Variants in MRPS35 observed in about 807,000 individuals in gnomAD.
MRPS35 encodes small ribosomal subunit protein mS35.
MRPS35 carries 29 observed loss-of-function variants against 32.7 expected under a neutral mutation model. The ratio of observed to expected loss-of-function variants is 0.89; its 90% CI spans 0.66 to 1.21. MRPS35 has a LOEUF of 1.21. Among genes scored for constraint, MRPS35 ranks in the 50% most tolerant of loss-of-function variants. The probability of loss-of-function intolerance (pLI) is 0.00; values close to 1 mark genes in which losing one functional copy is unlikely to be tolerated. For missense variants in MRPS35, 373 were observed against 383.8 expected (o/e 0.97, Z 0.23); for synonymous variants, 148 against 139.3 (o/e 1.06, Z -0.44).
At chr12:27,738,719 G>A (rs2061951977) in intron 7 of MRPS35, among the ~76,000 whole-genome samples, 1 of 152,084 alleles carries the variant, frequency 6.6e-6, no homozygotes, top group Admixed American at 6.6e-5. Flanking sequence ...GGAGAAGGGG[G>A]TCATGTTCTT....
Position 27,745,633 on chromosome 12 carries a change from T to C in MRPS35, c.702+8025T>C, listed in dbSNP as rs2061979464. 1.3e-5 allele frequency among the ~76,000 whole-genome samples: 2 copies of C among 151,942 alleles called. 1 individual carries two copies. The highest frequency in any genetic ancestry group is 4.2e-4 in the South Asian group (2 of 4,812). On this transcript the variant is annotated intron_variant, in intron 7 of 7. Transcript: ENST00000081029. ...GTGCACAACATGCAGGTTAGTTACATATTTATACATGTGCCATGTTGGTGT... is the reference window on the plus strand; with the variant it reads ...GTGCACAACATGCAGGTTAGTTACACATTTATACATGTGCCATGTTGGTGT...
rs143571398 is a variant in MRPS35, at chr12:27,728,289, T to C, written c.522+4103T>C. Among the ~76,000 whole-genome samples the C allele has an allele frequency of 3.1e-3, 467 of 152,252 alleles. 6 individuals carry two copies. The highest frequency in any genetic ancestry group is 0.011 in the African/African-American group (449 of 41,502). ...CAAATTCTCTTTTTTAAATTTTTTA[T>C]TATGAAAATTTTCAAATGTATGGAC... On this transcript the variant is annotated intron_variant, in intron 5 of 7. Coordinates refer to ENST00000081029, the MANE Select transcript of MRPS35 (RefSeq NM_021821.4).
chr12:27,720,579 T>A (rs1311368221), intron 4 of MRPS35, among the ~76,000 whole-genome samples: 1 of 152,008 alleles, frequency 6.6e-6, no homozygotes, highest in African/African-American at 2.4e-5. Flanking sequence ...CCTTATGTGC[T>A]TTCTTTACCA....
chr12:27,751,740 G>A (rs760678275), intron 7 of MRPS35, among the ~76,000 whole-genome samples: 28 of 152,190 alleles, frequency 1.8e-4, no homozygotes, highest in Non-Finnish European at 3.1e-4. Context: ...GCCAGGCTGC[G>A]CCCCAAGAGC....
chr12:27,755,181 A>G lies in MRPS35; in HGVS notation c.703A>G (p.Asn235Asp), dbSNP rs1288125292. The G allele has an allele frequency of 6.6e-7, 1 of 1,511,592 alleles. No individual in the cohort carries two copies. Among genetic ancestry groups the G allele is most frequent in the East Asian group, 2.4e-5 (1 of 41,266 alleles). The allele number at this position is 1,511,592 out of a possible 1,614,324, so 93.6% of individuals were successfully genotyped here. A position where few individuals can be genotyped will look rare whatever the true frequency, so the allele number is the denominator to read the frequency against. The change falls in exon 8 of 8, where the codon AAT (asparagine) becomes GAT (aspartate). Residue 235 changes from asparagine (N) to aspartate (D), a missense_variant and splice_region_variant. Transcript: ENST00000081029. ...LLTVLYHESW[N>D]TEEWEKSKTE... ...TTTTTTTTGTTTTGTTTTGTTTCAG[A>G]ATACTGAAGAATGGGAAAAAAGTAA...
Position 27,755,456 on chromosome 12 carries a change from G to A in MRPS35, c.*6G>A, listed in dbSNP as rs1264977939. 5.9e-6 allele frequency: 9 copies of A among 1,529,124 alleles called. No individual in the cohort carries two copies. The Admixed American group carries it at 2.1e-4, about 36-fold the overall frequency. The allele number at this position is 1,529,124 out of a possible 1,614,324, so 94.7% of individuals were successfully genotyped here. A position where few individuals can be genotyped will look rare whatever the true frequency, so the allele number is the denominator to read the frequency against. On this transcript the variant is annotated 3_prime_UTR_variant, in exon 8 of 8. Coordinates refer to ENST00000081029, the MANE Select transcript of MRPS35 (RefSeq NM_021821.4). ...GACTATTAAATGTGACATGAATTATGGAGTAGAAAAATCTGCTTGATTTAT... is the reference window on the plus strand; with the variant it reads ...GACTATTAAATGTGACATGAATTATAGAGTAGAAAAATCTGCTTGATTTAT...
At chr12:27,720,084 T>C (rs2061867249) in intron 4 of MRPS35, among the ~76,000 whole-genome samples, 1 of 152,094 alleles carries the variant, frequency 6.6e-6, no homozygotes. Context: ...GGACTTACTG[T>C]TGAGTTTTAG....
chr12:27,739,704 G>A (rs987454112), intron 7 of MRPS35, among the ~76,000 whole-genome samples: 1 of 152,202 alleles, frequency 6.6e-6, no homozygotes, highest in African/African-American at 2.4e-5. Flanking sequence ...ATTAGCTACA[G>A]CTTTATGGCT....
At chr12:27,749,442 A>C (rs888928741) in intron 7 of MRPS35, among the ~76,000 whole-genome samples, 1 of 152,224 alleles carries the variant, frequency 6.6e-6, no homozygotes, top group Non-Finnish European at 1.5e-5. Flanking sequence ...GTCAGTGACA[A>C]AGAAATAAAG....
chr12:27,723,729 G>C (rs572997287), intron 4 of MRPS35, among the ~76,000 whole-genome samples: 1 of 152,290 alleles, frequency 6.6e-6, no homozygotes, highest in African/African-American at 2.4e-5. Context: ...TGGTACAGAG[G>C]AAGTAAACTG....
In MRPS35 at chr12:27,723,952, T is replaced by C. The variant is rs923293150; in HGVS notation, c.383-95T>C. On this transcript the variant is annotated intron_variant, in intron 4 of 7. Transcript: ENST00000081029. ...GAATCTGTTCTTTCATGTAACTTGGTGATGCTCTCAGTAATTTGGTATTGT... is the reference window on the plus strand; with the variant it reads ...GAATCTGTTCTTTCATGTAACTTGGCGATGCTCTCAGTAATTTGGTATTGT... The C allele has an allele frequency of 1.2e-5, 15 of 1,203,312 alleles. No homozygotes were observed. In the African/African-American group the frequency reaches 1.7e-4, roughly 14 times the overall value. 74.5% of individuals were successfully genotyped at this position (1,203,312 alleles called of 1,614,324 possible).
rs370001683 is a variant in MRPS35 at position 27,719,815 on chromosome 12, A to G, written c.329A>G (p.Asn110Ser). ...EGNLELLKIP[N>S]FLHLTPVAIK... is the part of the protein sequence containing the mutation. Reference sequence around the variant, plus strand: ...TAAATTTCTCTATTTAAGATTCCCAATTTTCTGCATTTGACTCCTGTAGCA... The same window carrying G: ...TAAATTTCTCTATTTAAGATTCCCAGTTTTCTGCATTTGACTCCTGTAGCA... Residue 110 changes from asparagine to serine, a missense_variant, in exon 4 of 8, where the codon AAT becomes AGT. Coordinates refer to ENST00000081029, the MANE Select transcript of MRPS35 (RefSeq NM_021821.4). The G allele has an allele frequency of 8.4e-5, 135 of 1,601,646 alleles. No individual in the cohort carries two copies. Among genetic ancestry groups the G allele is most frequent in the East Asian group, 4.2e-4 (19 of 44,736 alleles).
chr12:27,714,851 T>C, intron 2 of MRPS35, 31 bp downstream of exon 2: 1 of 1,588,748 alleles, frequency 6.3e-7, no homozygotes, highest in South Asian at 1.1e-5. Flanking sequence ...ACTATCTTAA[T>C]GGTTTCTGGA....
chr12:27,712,494 T>C (rs1416543145), intron 1 of MRPS35, among the ~76,000 whole-genome samples: 2 of 152,180 alleles, frequency 1.3e-5, no homozygotes, highest in Non-Finnish European at 2.9e-5. Context: ...GCTGTTGCAG[T>C]AATCCAAATG....
intron 7 of MRPS35, among the ~76,000 whole-genome samples, chr12:27,753,172 G>A (rs1368158595): frequency 6.6e-6 from 1 of 152,074 alleles, no homozygotes; most frequent in African/African-American, 2.4e-5. Flanking sequence ...GGGCAAACAT[G>A]CAGGAATTGT....
intron 4 of MRPS35, among the ~76,000 whole-genome samples, chr12:27,720,554 A>C (rs2140757275): frequency 6.6e-6 from 1 of 152,148 alleles, no homozygotes; most frequent in South Asian, 2.1e-4. Context: ...AGAGCTTATG[A>C]TGAAAAAGCA....
intron 1 of MRPS35, 142 bp from the exon 2 acceptor site, chr12:27,714,634 CAAAA>C (rs531429538): frequency 4.1e-3 from 1,446 of 354,446 alleles, no homozygotes; most frequent in South Asian, 5.8e-3. Flanking sequence ...CTGAGCTTAC[CAAAA>C]AAAAAAAAAA....
At chr12:27,721,321 A>G (rs1036515514) in intron 4 of MRPS35, among the ~76,000 whole-genome samples, 3 of 152,148 alleles carry the variant, frequency 2.0e-5, no homozygotes, top group East Asian at 1.9e-4. Flanking sequence ...GTGTTTCTCT[A>G]TGCATTTGTG....
chr12:27,739,150 G>A lies in MRPS35; in HGVS notation c.702+1542G>A, dbSNP rs190806866. On this transcript the variant is annotated intron_variant, in intron 7 of 7. Coordinates refer to ENST00000081029, the MANE Select transcript of MRPS35 (RefSeq NM_021821.4). ...TAACCTCAGGTGATCCACCCGCCTC[G>A]GCCTCCCGAAGTGCTGGGATTACAG... 4.4e-3 allele frequency among the ~76,000 whole-genome samples: 676 copies of A among 152,232 alleles called. 2 individuals are homozygous for A. Among genetic ancestry groups the A allele is most frequent in the Middle Eastern group, 0.02 (6 of 294 alleles).
Sources: allele counts gnomAD v4.1 joint callset (sites outside exome capture counted in the v4.1 genomes callset), GRCh38; gene constraint gnomAD v4.1.1; transcripts MANE v1.5; gene names NCBI Gene and HGNC (gene_info 2026-07-23, HGNC 2026-07-21).